Variants in PPFIA2 observed in about 807,000 individuals in gnomAD.
The protein encoded by PPFIA2 is PPFI scaffold protein A2.
Under a neutral mutation model 175.5 loss-of-function variants are expected in PPFIA2, and 46 were observed. The observed-to-expected ratio is 0.26, with a 90% CI of 0.21 to 0.34. PPFIA2 has a LOEUF of 0.34. PPFIA2 is among the 10% of genes least tolerant of loss of function. PPFIA2 has a pLI of 1.00. For missense variants in PPFIA2, 1,179 were observed against 1,506.1 expected (o/e 0.78, Z 3.60); for synonymous variants, 568 against 511.4 (o/e 1.11, Z -1.49).
At chr12:81,524,417 CAAA>C (rs1567184292) in intron 4 of PPFIA2, among the ~76,000 whole-genome samples, 9 of 152,182 alleles carry the variant, frequency 5.9e-5, no homozygotes. Context: ...ACAACTGAGT[CAAA>C]GAAGATTCTT....
chr12:81,754,070 T>C lies in PPFIA2; in HGVS notation c.152A>G (p.Glu51Gly), dbSNP rs373353564. 25 of 1,613,740 alleles carry C rather than the reference T, an allele frequency of 1.5e-5. No homozygotes were observed. The highest frequency in any genetic ancestry group is 2.1e-5 in the Non-Finnish European group (25 of 1,179,860). The change falls in exon 3 of 33, where the codon GAG becomes GGG. Residue 51 changes from glutamate (E) to glycine (G), a missense_variant. This residue lies in a region of PPFIA2 where 128 missense variants were observed against 141.4 expected (regional missense o/e 0.91). Coordinates refer to ENST00000549396, the MANE Select transcript of PPFIA2 (RefSeq NM_003625.5). ...ERDRLLDTLR[E>G]TQESLSLAQQ... The stretch of plus-strand genomic sequence containing the variant: ...GGCAAGTGAGAGGCTTTCCTGGGTC[T>C]CCCGAAGGGTGTCTAGAAGACGATC...
At chr12:81,661,257 C>T (rs1486667169) in intron 4 of PPFIA2, among the ~76,000 whole-genome samples, 11 of 152,078 alleles carry the variant, frequency 7.2e-5, no homozygotes, top group African/African-American at 1.4e-4. Context: ...GACTGGCAAA[C>T]TGGATAAAGA....
At chr12:81,729,501 T>C (rs990982670) in intron 3 of PPFIA2, among the ~76,000 whole-genome samples, 1 of 151,566 alleles carries the variant, frequency 6.6e-6, no homozygotes, top group African/African-American at 2.4e-5. Context: ...GCACATACTT[T>C]ATTATTGGAG....
At chr12:81,718,845 T>C (rs1156350338) in intron 3 of PPFIA2, among the ~76,000 whole-genome samples, 1 of 151,638 alleles carries the variant, frequency 6.6e-6, no homozygotes, top group African/African-American at 2.4e-5. Context: ...ATGCTCACTG[T>C]CTGACGTTGG....
At chr12:81,301,129 A>T (rs2047731657) in intron 22 of PPFIA2, among the ~76,000 whole-genome samples, 1 of 151,990 alleles carries the variant, frequency 6.6e-6, no homozygotes, top group African/African-American at 2.4e-5. Flanking sequence ...CTGGCTTCGA[A>T]GGGCAGGTAG....
intron 4 of PPFIA2, among the ~76,000 whole-genome samples, chr12:81,548,294 G>A (rs1044531744): frequency 3.9e-5 from 6 of 152,032 alleles, no homozygotes; most frequent in Non-Finnish European, 5.9e-5. Context: ...GGGAATGTTC[G>A]ATCATCTAAG....
intron 4 of PPFIA2, among the ~76,000 whole-genome samples, chr12:81,541,605 T>C (rs1046602102): frequency 3.3e-5 from 5 of 152,098 alleles, no homozygotes; most frequent in Non-Finnish European, 7.4e-5. Flanking sequence ...TGTGAAAAAA[T>C]TGTTACTGCT....
intron 3 of PPFIA2, among the ~76,000 whole-genome samples, chr12:81,728,869 T>C (rs996649655): frequency 1.3e-5 from 2 of 151,428 alleles, no homozygotes; most frequent in African/African-American, 4.8e-5. Flanking sequence ...ATAGATGGTA[T>C]TGAGAGATAG....
chr12:81,682,839 A>T (rs1381557067), intron 3 of PPFIA2, among the ~76,000 whole-genome samples: 1 of 151,776 alleles, frequency 6.6e-6, no homozygotes. Flanking sequence ...TTCAAATTTA[A>T]TTTTTCATGT....
chr12:81,683,049 T>A (rs2073913191), intron 3 of PPFIA2, among the ~76,000 whole-genome samples: 2 of 152,094 alleles, frequency 1.3e-5, no homozygotes. Flanking sequence ...CTGAGATCCA[T>A]ACTGCTACTT....
At chr12:81,508,521 C>CAAAAA (rs544893385) in intron 4 of PPFIA2, among the ~76,000 whole-genome samples, 12 of 44,794 alleles carry the variant, frequency 2.7e-4, no homozygotes, top group Admixed American at 3.3e-4. Flanking sequence ...AATTCCACCT[C>CAAAAA]AAAAAAAAAA....
intron 4 of PPFIA2, among the ~76,000 whole-genome samples, chr12:81,636,784 C>T (rs2064121216): frequency 6.6e-6 from 1 of 151,970 alleles, no homozygotes; most frequent in Non-Finnish European, 1.5e-5. Flanking sequence ...TCCTGAGTAG[C>T]TGGGATTACA....
Position 81,341,204 on chromosome 12 carries a change from G to T in PPFIA2, c.2267C>A (p.Ala756Glu), listed in dbSNP as rs938291924. The T allele has an allele frequency of 3.1e-6, 5 of 1,610,248 alleles. No homozygotes were observed. The highest frequency in any genetic ancestry group is 4.2e-6 in the Non-Finnish European group (5 of 1,177,652). The change falls in exon 20 of 33, where the codon GCA becomes GAA. Residue 756 changes from alanine to glutamate, a missense_variant. Physicochemically the swap from Ala to Glu is moderately radical, Grantham distance 107. Coordinates refer to ENST00000549396, the MANE Select transcript of PPFIA2 (RefSeq NM_003625.5). The part of the protein sequence containing the change: ...SDLRKHRRKI[A>E]VVEEDGREDK... ...CTCTCGACCATCTTCTTCCACAACT[G>T]CAATCTAGAAGCAAAAACAATACAT...
At chr12:81,622,998 A>T (rs977167646) in intron 4 of PPFIA2, among the ~76,000 whole-genome samples, 1 of 152,136 alleles carries the variant, frequency 6.6e-6, no homozygotes, top group African/African-American at 2.4e-5. Flanking sequence ...CATTAACTGT[A>T]TGATAAGGGG....
rs184668715 is a variant in PPFIA2, at chr12:81,310,425, A to G, written c.2643-11043T>C. ...AAGTTCGAGGAGCATGTGTAAGACA[A>G]TAAGAAACCGAATTGTAGAATGAAG... On this transcript the variant is annotated intron_variant, in intron 22 of 32. Coordinates refer to ENST00000549396, the MANE Select transcript of PPFIA2 (RefSeq NM_003625.5). Among the ~76,000 whole-genome samples, 540 of 152,274 alleles carry G rather than the reference A, an allele frequency of 3.5e-3. 2 individuals carry two copies. Among genetic ancestry groups the G allele is most frequent in the Non-Finnish European group, 5.9e-3 (402 of 67,970 alleles).
intron 3 of PPFIA2, among the ~76,000 whole-genome samples, chr12:81,750,341 A>C (rs945662902): frequency 7.0e-6 from 1 of 143,674 alleles, no homozygotes; most frequent in African/African-American, 2.4e-5. Flanking sequence ...GCCAAGAAAA[A>C]CAGAAGAGTA....
chr12:81,482,540 T>A (rs969573605), intron 4 of PPFIA2, among the ~76,000 whole-genome samples: 4 of 152,134 alleles, frequency 2.6e-5, no homozygotes, highest in African/African-American at 9.7e-5. Context: ...ATATACACCA[T>A]GGAATACTAT....
chr12:81,462,890 T>C (rs2054903034), intron 4 of PPFIA2, among the ~76,000 whole-genome samples: 1 of 152,012 alleles, frequency 6.6e-6, no homozygotes, highest in Admixed American at 6.6e-5. Flanking sequence ...TTTGGGCCTA[T>C]TGCTCTGAAT....
chr12:81,317,510 A>ATT (rs5799521), intron 22 of PPFIA2, among the ~76,000 whole-genome samples: 95 of 151,046 alleles, frequency 6.3e-4, no homozygotes, highest in Admixed American at 1.1e-3. Context: ...GATTTGAGAG[A>ATT]TTTTTTTTAA....
Sources: allele counts gnomAD v4.1 joint callset (sites outside exome capture counted in the v4.1 genomes callset), GRCh38; gene constraint gnomAD v4.1.1; regional missense constraint gnomAD v4.1.1; transcripts MANE v1.5; gene names NCBI Gene and HGNC (gene_info 2026-07-23, HGNC 2026-07-21).